XPNPEP3: variants seen among roughly 807,000 people sequenced by gnomAD.
XPNPEP3 encodes xaa-Pro aminopeptidase 3.
In XPNPEP3, 41 loss-of-function variants were observed where a neutral mutation model predicts 60.0. The ratio of observed to expected loss-of-function variants is 0.68; its 90% CI spans 0.53 to 0.89. XPNPEP3 has a LOEUF of 0.89. Ranked by LOEUF, XPNPEP3 falls within the 40% of genes least tolerant of loss-of-function variation. XPNPEP3 has a pLI of 0.00. For synonymous variants in XPNPEP3, 212 were observed against 223.2 expected (o/e 0.95, Z 0.45); for missense variants, 598 against 638.9 (o/e 0.94, Z 0.69).
intron 2 of XPNPEP3, chr22:40,870,260 C>G (rs1021910204): frequency 6.9e-6 from 2 of 290,554 alleles, no homozygotes; most frequent in Admixed American, 9.6e-5. Flanking sequence ...TTGAAAATTA[C>G]TGATTTCTTG....
intron 4 of XPNPEP3, among the ~76,000 whole-genome samples, chr22:40,893,158 T>G (rs1399263951): frequency 6.8e-6 from 1 of 146,570 alleles, no homozygotes; most frequent in Non-Finnish European, 1.5e-5. Flanking sequence ...TATATTATAA[T>G]ATTATATCAT....
rs2058249694 is a variant in XPNPEP3, at chr22:40,930,140, T to TC, written c.*3705_*3706insC. ...TTTTTGTGGGGTTTTTTTGTTTTTT[T>TC]TTTTTTTGAGATGGAGTCTCGCTCT... On this transcript the variant is annotated 3_prime_UTR_variant, in exon 10 of 10. Transcript: ENST00000357137. 1 of 150,430 alleles carries TC rather than the reference T, an allele frequency of 6.6e-6. No individual in the cohort carries two copies. The highest frequency in any genetic ancestry group is 1.9e-4 in the East Asian group (1 of 5,192). The allele number at this position is 150,430 out of a possible 1,614,324, so 9.3% of individuals were successfully genotyped here.
chr22:40,896,535 A>T (rs1418785430), intron 4 of XPNPEP3, among the ~76,000 whole-genome samples: 1 of 151,994 alleles, frequency 6.6e-6, no homozygotes, highest in Non-Finnish European at 1.5e-5. Context: ...GGCGTGGGAC[A>T]CATGCCTGTA....
At chr22:40,902,028 A>G (rs1031738747) in intron 4 of XPNPEP3, among the ~76,000 whole-genome samples, 1 of 151,870 alleles carries the variant, frequency 6.6e-6, no homozygotes, top group African/African-American at 2.4e-5. Context: ...GTAAAAAATC[A>G]AGAATGAATT....
In XPNPEP3 at chr22:40,926,235, T is replaced by C. The variant is rs759519400; in HGVS notation, c.1358-34T>C. The C allele has an allele frequency of 1.4e-5, 23 of 1,613,814 alleles. No individual in the cohort carries two copies. The East Asian group carries it at 5.1e-4, about 36-fold the overall frequency. ...CCCCAAACCACCCAGTTACTATCATTCCTGAACAGCATGTTCTTCTTTCTA... is the reference window on the plus strand; with the variant it reads ...CCCCAAACCACCCAGTTACTATCATCCCTGAACAGCATGTTCTTCTTTCTA... On this transcript the variant is annotated intron_variant, in intron 9 of 9. Transcript: ENST00000357137.
chr22:40,907,534 G>C, intron 4 of XPNPEP3, 53 bp from the exon 5 acceptor site: 1 of 1,556,388 alleles, frequency 6.4e-7, no homozygotes, highest in South Asian at 1.1e-5. Context: ...GAATGTTTGA[G>C]TAAGCAACAT....
intron 4 of XPNPEP3, among the ~76,000 whole-genome samples, chr22:40,892,562 A>G (rs1267798822): frequency 1.3e-5 from 2 of 152,140 alleles, no homozygotes; most frequent in African/African-American, 2.4e-5. Context: ...CCTGGCTCCT[A>G]ATTCCACTAA....
chr22:40,858,965 G>A (rs944763384), intron 1 of XPNPEP3, among the ~76,000 whole-genome samples: 1 of 152,044 alleles, frequency 6.6e-6, no homozygotes, highest in African/African-American at 2.4e-5. Context: ...TTTGGAGATG[G>A]GGTCTTGCCA....
At chr22:40,861,264 A>C (rs1225741014) in intron 1 of XPNPEP3, 1 of 1,614,164 alleles carries the variant, frequency 6.2e-7, no homozygotes, top group East Asian at 2.2e-5. Flanking sequence ...ATAGTTGTTG[A>C]ATGACTGTGT....
At chr22:40,884,982 C>T (rs1425319700) in intron 3 of XPNPEP3, among the ~76,000 whole-genome samples, 2 of 151,218 alleles carry the variant, frequency 1.3e-5, no homozygotes, top group Admixed American at 6.6e-5. Context: ...GAGCCGAGAT[C>T]GCGCCACTGC....
At chr22:40,869,983 C>T (rs1043331683) in intron 2 of XPNPEP3, 1 of 463,042 alleles carries the variant, frequency 2.2e-6, no homozygotes, top group South Asian at 1.6e-5. Flanking sequence ...TTTCACTATC[C>T]CCACTCAGTG....
chr22:40,865,352 G>C (rs889272989), intron 1 of XPNPEP3, among the ~76,000 whole-genome samples: 2 of 143,810 alleles, frequency 1.4e-5, no homozygotes, highest in Non-Finnish European at 3.0e-5. Flanking sequence ...TTTTGAGATG[G>C]AGTTTCACTC....
intron 6 of XPNPEP3, among the ~76,000 whole-genome samples, chr22:40,911,237 CT>C (rs1200834886): frequency 6.6e-6 from 1 of 151,980 alleles, no homozygotes; most frequent in Non-Finnish European, 1.5e-5. Context: ...CATTTCTTAT[CT>C]TTAGCACTAT....
At chr22:40,870,052 G>A (rs565311198) in intron 2 of XPNPEP3, 6 of 470,878 alleles carry the variant, frequency 1.3e-5, no homozygotes, top group Middle Eastern at 3.3e-4. Context: ...CATCAGACTC[G>A]AATTCCTGCT....
chr22:40,862,939 A>G (rs1411032187), intron 1 of XPNPEP3, among the ~76,000 whole-genome samples: 2 of 152,246 alleles, frequency 1.3e-5, no homozygotes, highest in Non-Finnish European at 2.9e-5. Context: ...TGTGCTCCAA[A>G]AAAAATAGCA....
chr22:40,902,527 GGCATGA>G (rs1362413299), intron 4 of XPNPEP3, among the ~76,000 whole-genome samples: 2 of 152,140 alleles, frequency 1.3e-5, no homozygotes, highest in African/African-American at 4.8e-5. Flanking sequence ...TGGGATTACA[GGCATGA>G]GCCACCACAC....
In XPNPEP3 at chr22:40,857,177, C is replaced by A. The variant is rs1569009127; in HGVS notation, c.-5C>A. Reference sequence around the variant, plus strand: ...TTCTCTTCCCGACGCGTGAGTTAGGCCGTAATGCCTTGGCTGCTCTCAGCC... The same window carrying A: ...TTCTCTTCCCGACGCGTGAGTTAGGACGTAATGCCTTGGCTGCTCTCAGCC... On this transcript the variant is annotated 5_prime_UTR_variant, in exon 1 of 10. Coordinates refer to ENST00000357137, the MANE Select transcript of XPNPEP3 (RefSeq NM_022098.4). The A allele has an allele frequency of 1.2e-6, 2 of 1,614,170 alleles. No homozygotes were observed. Among genetic ancestry groups the A allele is most frequent in the African/African-American group, 1.3e-5 (1 of 75,066 alleles).
chr22:40,909,476 C>CT (rs2058169008), intron 6 of XPNPEP3, among the ~76,000 whole-genome samples: 1 of 152,088 alleles, frequency 6.6e-6, no homozygotes, highest in Non-Finnish European at 1.5e-5. Flanking sequence ...AAAAATAAAA[C>CT]AACATAGGCC....
At chr22:40,898,686 A>C (rs1245629295) in intron 4 of XPNPEP3, among the ~76,000 whole-genome samples, 1 of 152,132 alleles carries the variant, frequency 6.6e-6, no homozygotes, top group African/African-American at 2.4e-5. Context: ...TTATCCAGGA[A>C]GTTGGGATAA....
Sources: allele counts gnomAD v4.1 joint callset (sites outside exome capture counted in the v4.1 genomes callset), GRCh38; gene constraint gnomAD v4.1.1; transcripts MANE v1.5; gene names NCBI Gene and HGNC (gene_info 2026-07-23, HGNC 2026-07-21).